Variants in DGKB observed in about 807,000 individuals in gnomAD.
The protein encoded by DGKB is 90 kDa diacylglycerol kinase.
A neutral mutation model predicts 114.3 loss-of-function variants in DGKB; 67 were observed. The ratio of observed to expected loss-of-function variants is 0.59; its 90% CI spans 0.48 to 0.72. The LOEUF (loss-of-function observed/expected upper bound fraction) is 0.72. DGKB is among the 30% of genes least tolerant of loss of function. DGKB has a pLI of 0.00. For synonymous variants in DGKB, 398 were observed against 323.1 expected (o/e 1.23, Z -2.49); for missense variants, 907 against 975.2 (o/e 0.93, Z 0.93).
chr7:14,495,407 C>A (rs1361704155), intron 20 of DGKB, among the ~76,000 whole-genome samples: 1 of 151,646 alleles, frequency 6.6e-6, no homozygotes, highest in Non-Finnish European at 1.5e-5. Context: ...TGTTATTACA[C>A]AAAATTGTAA....
chr7:14,691,391 T>C (rs1822835114), intron 9 of DGKB, among the ~76,000 whole-genome samples: 1 of 152,188 alleles, frequency 6.6e-6, no homozygotes, highest in Admixed American at 6.5e-5. Flanking sequence ...AACTGCAGTA[T>C]CTAGATTTTC....
intron 13 of DGKB, among the ~76,000 whole-genome samples, chr7:14,648,016 TGCTAGCACA>T (rs1315264133): frequency 3.3e-5 from 5 of 152,178 alleles, no homozygotes; most frequent in African/African-American, 1.2e-4. Context: ...TCTCGCTGAT[TGCTAGCACA>T]GCAGTCTGAG....
chr7:14,258,029 G>T (rs1796206652), intron 23 of DGKB, among the ~76,000 whole-genome samples: 3 of 152,152 alleles, frequency 2.0e-5, no homozygotes, highest in Admixed American at 2.0e-4. Context: ...AATGTGTCTG[G>T]CCTAAACCCT....
chr7:14,275,859 A>G (rs1798914617), intron 23 of DGKB, among the ~76,000 whole-genome samples: 1 of 152,190 alleles, frequency 6.6e-6, no homozygotes, highest in South Asian at 2.1e-4. Flanking sequence ...ATTTTAAATA[A>G]CAGAATAAGC....
chr7:14,816,626 T>G (rs887700439), intron 2 of DGKB: 1 of 152,280 alleles, frequency 6.6e-6, no homozygotes, highest in South Asian at 2.1e-4. Context: ...CTTAATTTTC[T>G]TGGTTGAAAA....
intron 20 of DGKB, among the ~76,000 whole-genome samples, chr7:14,513,331 G>A (rs187684834): frequency 1.3e-5 from 2 of 151,930 alleles, no homozygotes; most frequent in Admixed American, 1.3e-4. Context: ...AGATGGCTGT[G>A]CCTATTTTAA....
At chr7:14,412,561 A>G (rs556290687) in intron 21 of DGKB, among the ~76,000 whole-genome samples, 2 of 152,334 alleles carry the variant, frequency 1.3e-5, no homozygotes, top group Non-Finnish European at 2.9e-5. Flanking sequence ...CTGGAAAGGC[A>G]GGTGACAGAT....
rs578233837 is a variant in DGKB at position 14,535,990 on chromosome 7, C to T, written c.1770+38222G>A. Among the ~76,000 whole-genome samples, 4 of 151,800 alleles carry T rather than the reference C, an allele frequency of 2.6e-5. No homozygotes were observed. The East Asian group carries it at 5.8e-4, about 22-fold the overall frequency. ...GAAACAGGAGTGAATACAACCAACGCCACAGAAATAAAAATAACAAAAAGG... is the reference window on the plus strand; with the variant it reads ...GAAACAGGAGTGAATACAACCAACGTCACAGAAATAAAAATAACAAAAAGG... On this transcript the variant is annotated intron_variant, in intron 20 of 25. Transcript: ENST00000402815.
intron 19 of DGKB, among the ~76,000 whole-genome samples, chr7:14,576,066 G>C (rs920125467): frequency 1.3e-5 from 2 of 152,094 alleles, no homozygotes; most frequent in Non-Finnish European, 2.9e-5. Flanking sequence ...ATACAGTAAA[G>C]GGTACAATAA....
chr7:14,635,293 G>A (rs1810518673), intron 13 of DGKB, among the ~76,000 whole-genome samples: 1 of 86,400 alleles, frequency 1.2e-5, no homozygotes, highest in Non-Finnish European at 2.3e-5. Context: ...GGAGGCTATT[G>A]ACAAGAAGGG....
rs945403321 is a variant in DGKB, at chr7:14,694,290, G to A, written c.592-96C>T. ...AAATTGTGACTAACAGCTAAGTGGAGAGTTGGGATAACTGTCTTGCTAACT... is the reference window on the plus strand; with the variant it reads ...AAATTGTGACTAACAGCTAAGTGGAAAGTTGGGATAACTGTCTTGCTAACT... On this transcript the variant is annotated intron_variant, in intron 8 of 25. Coordinates refer to ENST00000402815, the MANE Select transcript of DGKB (RefSeq NM_001350709.2). 8.3e-6 allele frequency: 9 copies of A among 1,089,630 alleles called. No individual in the cohort carries two copies. The African/African-American group carries it at 1.3e-4, about 15-fold the overall frequency. 67.5% of individuals were successfully genotyped at this position (1,089,630 alleles called of 1,614,324 possible).
At chr7:14,416,101 C>A (rs969038934) in intron 21 of DGKB, among the ~76,000 whole-genome samples, 2 of 152,030 alleles carry the variant, frequency 1.3e-5, no homozygotes, top group African/African-American at 4.8e-5. Context: ...ATACTTCGCC[C>A]ACTTTTTGAT....
intron 17 of DGKB, among the ~76,000 whole-genome samples, chr7:14,600,734 G>A (rs981688332): frequency 6.6e-6 from 1 of 152,194 alleles, no homozygotes; most frequent in South Asian, 2.1e-4. Context: ...TCTTGAAGCT[G>A]GGAATAACAA....
At chr7:14,163,957 T>G (rs1437459574) in intron 25 of DGKB, among the ~76,000 whole-genome samples, 1 of 151,628 alleles carries the variant, frequency 6.6e-6, no homozygotes, top group African/African-American at 2.4e-5. Context: ...ATCATGCCAT[T>G]GCACACCTGC....
intron 16 of DGKB, among the ~76,000 whole-genome samples, chr7:14,611,039 A>G (rs902074951): frequency 2.0e-5 from 3 of 152,048 alleles, no homozygotes; most frequent in Non-Finnish European, 2.9e-5. Context: ...TCATCCCGGT[A>G]AATTCCTCTT....
chr7:14,166,371 T>C (rs1276733968), intron 25 of DGKB, among the ~76,000 whole-genome samples: 1 of 152,220 alleles, frequency 6.6e-6, no homozygotes, highest in East Asian at 1.9e-4. Context: ...GTTTTAAGAT[T>C]CAAGGTTTAG....
chr7:14,214,598 T>C (rs1190114272), intron 23 of DGKB, among the ~76,000 whole-genome samples: 1 of 152,132 alleles, frequency 6.6e-6, no homozygotes, highest in Non-Finnish European at 1.5e-5. Flanking sequence ...ACAAACATAT[T>C]TTGCTCTATT....
chr7:14,376,056 A>G (rs946018992), intron 21 of DGKB, among the ~76,000 whole-genome samples: 3 of 152,210 alleles, frequency 2.0e-5, no homozygotes, highest in African/African-American at 7.2e-5. Context: ...CAGGGTACAT[A>G]CAGATAATCC....
intron 15 of DGKB, among the ~76,000 whole-genome samples, chr7:14,614,561 C>G (rs1806180967): frequency 6.6e-6 from 1 of 152,166 alleles, no homozygotes; most frequent in East Asian, 1.9e-4. Flanking sequence ...ATTAAAAACA[C>G]TCATTTTACC....
Sources: gnomAD v4.1 joint callset for allele counts (sites outside exome capture counted in the v4.1 genomes callset) on GRCh38, gnomAD v4.1.1 for gene constraint, MANE v1.5 for transcripts, NCBI Gene and HGNC (gene_info 2026-07-23, HGNC 2026-07-21) for gene names.